Variants in LRRC3B observed in about 807,000 individuals in gnomAD.
LRRC3B encodes leucine rich repeat containing 3B.
In LRRC3B, 2 loss-of-function variants were observed where a neutral mutation model predicts 12.8. The observed-to-expected ratio is 0.16, with a 90% CI of 0.06 to 0.49. LRRC3B has a LOEUF of 0.49. LRRC3B is among the 20% of genes least tolerant of loss of function. The pLI is 0.96. For synonymous variants in LRRC3B, 132 were observed against 122.0 expected (o/e 1.08, Z -0.54); for missense variants, 189 against 319.4 (o/e 0.59, Z 3.11).
chr3:26,667,129 A>AAAG (rs1699623172), intron 1 of LRRC3B, among the ~76,000 whole-genome samples: 1 of 151,626 alleles, frequency 6.6e-6, no homozygotes, highest in African/African-American at 2.4e-5. Flanking sequence ...GAAAAAAAAA[A>AAAG]AAAAAAGCCT....
At chr3:26,636,963 T>TC (rs1331397436) in intron 1 of LRRC3B, among the ~76,000 whole-genome samples, 26 of 115,306 alleles carry the variant, frequency 2.3e-4, no homozygotes, top group Non-Finnish European at 3.8e-4. Flanking sequence ...TCTTTCTTTC[T>TC]TTCTTTCTTT....
chr3:26,699,308 T>G (rs984837559), intron 1 of LRRC3B, among the ~76,000 whole-genome samples: 1 of 152,164 alleles, frequency 6.6e-6, no homozygotes, highest in Non-Finnish European at 1.5e-5. Flanking sequence ...GAATGGTCAT[T>G]GACAGTTTTT....
chr3:26,648,808 A>G (rs1424955029), intron 1 of LRRC3B, among the ~76,000 whole-genome samples: 1 of 152,196 alleles, frequency 6.6e-6, no homozygotes, highest in Non-Finnish European at 1.5e-5. Context: ...GGGCAGTTGC[A>G]ACACCGAACT....
intron 1 of LRRC3B, among the ~76,000 whole-genome samples, chr3:26,671,375 G>GTATATATATATAT (rs1559361781): frequency 6.2e-5 from 3 of 48,122 alleles, no homozygotes; most frequent in African/African-American, 3.8e-4. Context: ...TATATATATA[G>GTATATATATATAT]AGAGAGAGAG....
chr3:26,645,421 T>C (rs997242234), intron 1 of LRRC3B, among the ~76,000 whole-genome samples: 6 of 152,116 alleles, frequency 3.9e-5, no homozygotes, highest in East Asian at 1.9e-4. Flanking sequence ...TCAGACACAC[T>C]CAGCAAAGAT....
intron 1 of LRRC3B, among the ~76,000 whole-genome samples, chr3:26,707,224 G>T (rs1018426032): frequency 6.6e-6 from 1 of 150,858 alleles, no homozygotes; most frequent in African/African-American, 2.4e-5. Context: ...AAATAGCTGG[G>T]CGTGGTGGTG....
chr3:26,701,339 T>TAGGATGAG (rs1700449030), intron 1 of LRRC3B: 1 of 152,060 alleles, frequency 6.6e-6, no homozygotes, highest in Non-Finnish European at 1.5e-5. Context: ...GTAGAATTAA[T>TAGGATGAG]AGGATGAGAG....
chr3:26,705,419 C>T (rs144054180), intron 1 of LRRC3B, among the ~76,000 whole-genome samples: 6 of 151,656 alleles, frequency 4.0e-5, no homozygotes, highest in Non-Finnish European at 7.4e-5. Flanking sequence ...TCCAGTGAGT[C>T]GAGATTTGCA....
intron 1 of LRRC3B, among the ~76,000 whole-genome samples, chr3:26,679,227 C>T (rs79542088): frequency 0.016 from 2,483 of 152,224 alleles, 98 homozygotes; most frequent in East Asian, 0.16. Context: ...TTGGTGTGAC[C>T]GCAACAGCCA....
intron 1 of LRRC3B, among the ~76,000 whole-genome samples, chr3:26,645,975 C>T (rs1699135036): frequency 6.6e-6 from 1 of 152,190 alleles, no homozygotes; most frequent in Non-Finnish European, 1.5e-5. Context: ...ACCCCAGGAT[C>T]TGTTTCTGAC....
chr3:26,664,949 C>G lies in LRRC3B; in HGVS notation c.-161+41712C>G, dbSNP rs182108038. The stretch of plus-strand genomic sequence containing the variant: ...TTCTATAGTTTCTGATCTAGTAGGT[C>G]TGGGATAGGGTACAAGAATTTACAT... On this transcript the variant is annotated intron_variant, in intron 1 of 1. Transcript: ENST00000396641. Among the ~76,000 whole-genome samples the G allele has an allele frequency of 6.1e-3, 915 of 151,032 alleles. 6 individuals carry two copies. Among genetic ancestry groups the G allele is most frequent in the Non-Finnish European group, 9.6e-3 (651 of 67,808 alleles).
intron 1 of LRRC3B, among the ~76,000 whole-genome samples, chr3:26,657,555 A>T (rs1043411425): frequency 2.0e-4 from 30 of 152,272 alleles, no homozygotes; most frequent in African/African-American, 7.0e-4. Flanking sequence ...TTATTTGCTA[A>T]GTCACTTCTC....
intron 1 of LRRC3B, among the ~76,000 whole-genome samples, chr3:26,634,282 G>A (rs1698819247): frequency 6.6e-6 from 1 of 152,202 alleles, no homozygotes; most frequent in Admixed American, 6.5e-5. Flanking sequence ...AATCAGACAA[G>A]TGTTAGAATT....
At chr3:26,703,635 C>CAGTT (rs929727742) in intron 1 of LRRC3B, among the ~76,000 whole-genome samples, 2 of 151,452 alleles carry the variant, frequency 1.3e-5, no homozygotes, top group Non-Finnish European at 2.9e-5. Flanking sequence ...GAAAAATTAT[C>CAGTT]AGTTAATAAT....
At chr3:26,634,293 C>A in intron 1 of LRRC3B, among the ~76,000 whole-genome samples, 1 of 152,176 alleles carries the variant, frequency 6.6e-6, no homozygotes, top group East Asian at 1.9e-4. Context: ...TGTTAGAATT[C>A]TTCCTGGGTC....
In LRRC3B at chr3:26,640,064, C is replaced by T. The variant is rs149415959; in HGVS notation, c.-161+16827C>T. The stretch of plus-strand genomic sequence containing the variant: ...TCCAAGCCCCACAAGGCAGCCATCA[C>T]TTTTAAAGCACCTCTGCCTCTGATT... On this transcript the variant is annotated intron_variant, in intron 1 of 1. Coordinates refer to ENST00000396641, the Ensembl canonical transcript of LRRC3B. 2.4e-3 allele frequency among the ~76,000 whole-genome samples: 366 copies of T among 152,286 alleles called. 5 individuals are homozygous for T. The highest frequency in any genetic ancestry group is 8.7e-3 in the African/African-American group (360 of 41,556).
intron 1 of LRRC3B, among the ~76,000 whole-genome samples, chr3:26,671,756 G>A (rs1201494207): frequency 1.3e-5 from 2 of 151,992 alleles, no homozygotes; most frequent in East Asian, 1.9e-4. Flanking sequence ...AAGAAAATGA[G>A]GCTTAGTATG....
chr3:26,661,009 G>A (rs1226518552), intron 1 of LRRC3B, among the ~76,000 whole-genome samples: 1 of 152,094 alleles, frequency 6.6e-6, no homozygotes, highest in Admixed American at 6.6e-5. Context: ...ATTAATGTGT[G>A]ATCATAATAG....
intron 1 of LRRC3B, among the ~76,000 whole-genome samples, chr3:26,632,512 G>A (rs191502037): frequency 3.9e-5 from 6 of 152,186 alleles, no homozygotes; most frequent in African/African-American, 9.6e-5. Flanking sequence ...TCTGTATCTC[G>A]GGCGATGGCG....
Sources: allele counts gnomAD v4.1 joint callset (sites outside exome capture counted in the v4.1 genomes callset), GRCh38; gene constraint gnomAD v4.1.1; transcripts MANE v1.5; gene names NCBI Gene and HGNC (gene_info 2026-07-23, HGNC 2026-07-21).